The following CCDC57 variants were observed in gnomAD, a reference collection of about 807,000 sequenced individuals.
CCDC57 encodes coiled-coil domain containing 57.
A neutral mutation model predicts 118.9 loss-of-function variants in CCDC57; 118 were observed. That is an observed-to-expected ratio of 0.99 (90% CI 0.86 to 1.16). The LOEUF (loss-of-function observed/expected upper bound fraction) is 1.16. CCDC57 is among the 50% of genes most tolerant of loss of function. CCDC57 has a pLI of 0.00. For synonymous variants in CCDC57, 527 were observed against 532.9 expected (o/e 0.99, Z 0.15); for missense variants, 1,300 against 1,320.7 (o/e 0.98, Z 0.24).
chr17:82,206,390 CAG>C (rs957825563), intron 2 of CCDC57, among the ~76,000 whole-genome samples: 4 of 152,220 alleles, frequency 2.6e-5, no homozygotes, highest in South Asian at 2.1e-4. Context: ...CCTCAGGAAA[CAG>C]AATCCTTCCA....
At chr17:82,184,955 CA>C (rs1381627806) in intron 8 of CCDC57, 3 of 152,314 alleles carry the variant, frequency 2.0e-5, no homozygotes, top group African/African-American at 7.2e-5. Flanking sequence ...GAAACAGACT[CA>C]CCAACGGCCT....
At chr17:82,183,291 G>A (rs1317103849) in intron 9 of CCDC57, among the ~76,000 whole-genome samples, 1 of 152,262 alleles carries the variant, frequency 6.6e-6, no homozygotes, top group East Asian at 1.9e-4. Flanking sequence ...TCGCCCCAAC[G>A]GATAAGAAAC....
At chr17:82,104,073 A>T (rs915118488) in intron 19 of CCDC57, among the ~76,000 whole-genome samples, 1 of 152,218 alleles carries the variant, frequency 6.6e-6, no homozygotes, top group African/African-American at 2.4e-5. Flanking sequence ...CGGCTGCCCC[A>T]GGCGTGACTC....
At chr17:82,107,659 G>T (rs2034957363) in intron 19 of CCDC57, 2 of 463,880 alleles carry the variant, frequency 4.3e-6, no homozygotes, top group Non-Finnish European at 4.5e-6. Flanking sequence ...CTGGGTTGAA[G>T]AAACACCCCC....
rs35632547 is a variant in CCDC57 at position 82,139,328 on chromosome 17, C to A, written c.2456-5134G>T. Among the ~76,000 whole-genome samples the A allele has an allele frequency of 5.5e-3, 800 of 146,526 alleles. 5 individuals carry two copies. The highest frequency in any genetic ancestry group is 8.5e-3 in the Non-Finnish European group (568 of 66,932). Reference sequence around the variant, plus strand: ...GTGGTAAATTCACCATGGCCATGTGCAGTCTTTTGTCATCCACAGTTTTTT... The same window carrying A: ...GTGGTAAATTCACCATGGCCATGTGAAGTCTTTTGTCATCCACAGTTTTTT... On this transcript the variant is annotated intron_variant, in intron 16 of 19. Transcript: ENST00000665763.
At chr17:82,176,317 T>TGG (rs2045490746) in intron 11 of CCDC57, among the ~76,000 whole-genome samples, 1 of 86,608 alleles carries the variant, frequency 1.2e-5, no homozygotes, top group Non-Finnish European at 2.5e-5. Context: ...TAAAACCCCT[T>TGG]CTAGCCTCTG....
intron 16 of CCDC57, among the ~76,000 whole-genome samples, chr17:82,151,073 G>A (rs1385710582): frequency 1.6e-4 from 9 of 57,632 alleles, no homozygotes; most frequent in East Asian, 7.5e-4. Context: ...AGAACCAGGC[G>A]CACACTCAGA....
chr17:82,197,685 G>C (rs1430623884), intron 4 of CCDC57, among the ~76,000 whole-genome samples: 1 of 152,216 alleles, frequency 6.6e-6, no homozygotes, highest in Non-Finnish European at 1.5e-5. Context: ...ATTTCTGGGA[G>C]TGTCTGCAAG....
intron 1 of CCDC57, among the ~76,000 whole-genome samples, chr17:82,208,981 A>C (rs2049981757): frequency 6.6e-6 from 1 of 152,158 alleles, no homozygotes; most frequent in Non-Finnish European, 1.5e-5. Flanking sequence ...CTACAGCTCA[A>C]GCGATCTTCC....
chr17:82,101,911 G>A (rs745841220), intron 19 of CCDC57, 45 bp from the exon 19 acceptor site: 3 of 1,496,898 alleles, frequency 2.0e-6, no homozygotes, highest in South Asian at 1.3e-5. Context: ...GGATGGCAGG[G>A]GGAGCAGGAG....
chr17:82,153,743 AGCAGG>A (rs2042343382), intron 15 of CCDC57: 1 of 152,272 alleles, frequency 6.6e-6, no homozygotes, highest in Admixed American at 6.5e-5. Context: ...GCCCACCCCC[AGCAGG>A]GCAGCAGCAG....
At chr17:82,102,411 A>C (rs967321005) in intron 19 of CCDC57, among the ~76,000 whole-genome samples, 11 of 152,262 alleles carry the variant, frequency 7.2e-5, no homozygotes, top group African/African-American at 2.7e-4. Flanking sequence ...AGTGCGCTAC[A>C]CACAGAGGCT....
At chr17:82,201,788 G>A in exon 3 of CCDC57, 1 of 1,613,660 alleles carries the variant, frequency 6.2e-7, no homozygotes, top group Non-Finnish European at 8.5e-7. Context: ...TCCTCCTGCA[G>A]GCACCGCAGT....
At chr17:82,141,957 C>G (rs185303612) in intron 16 of CCDC57, among the ~76,000 whole-genome samples, 2 of 152,240 alleles carry the variant, frequency 1.3e-5, no homozygotes, top group South Asian at 2.1e-4. Flanking sequence ...GATAGGCATG[C>G]GGATTCTGCC....
chr17:82,163,088 A>C lies in CCDC57; in HGVS notation c.2040+112T>G, dbSNP rs926379357. Reference sequence around the variant, plus strand: ...AGAAAAAAACAGGCAGAGAGAGGTCAGTGGATGCCCGAGGTCACCTGGGGT... The same window carrying C: ...AGAAAAAAACAGGCAGAGAGAGGTCCGTGGATGCCCGAGGTCACCTGGGGT... On this transcript the variant is annotated intron_variant, in intron 14 of 19. Transcript: ENST00000665763. The C allele has an allele frequency of 1.6e-5, 21 of 1,311,228 alleles. No homozygotes were observed. In the African/African-American group the frequency reaches 1.9e-4, roughly 12 times the overall value. The allele number at this position is 1,311,228 out of a possible 1,614,324, so 81.2% of individuals were successfully genotyped here. A position where few individuals can be genotyped will look rare whatever the true frequency, so the allele number is the denominator to read the frequency against.
chr17:82,183,782 G>A (rs748198502), exon 9 of CCDC57: 18 of 1,559,612 alleles, frequency 1.2e-5, no homozygotes, highest in Middle Eastern at 3.3e-4. Flanking sequence ...ACCTTTCAAT[G>A]TCCTGCTGGG....
At position 82,118,896 on chromosome 17, in the gene CCDC57, C is replaced by CGTATT. The variant is rs2036271008; in HGVS notation, c.2899+8791_2899+8795dup. 6.6e-6 allele frequency among the ~76,000 whole-genome samples: 1 copy of CGTATT among 151,644 alleles called. No individual in the cohort carries two copies. The highest frequency in any genetic ancestry group is 2.4e-5 in the African/African-American group (1 of 41,232). ...TTGTAAATACTCCATTCTACTTCTG[C>CGTATT]GTATTTTCGTGGTTTGCCTTGGAGT... On this transcript the variant is annotated intron_variant, in intron 19 of 19. Coordinates refer to ENST00000665763, the Ensembl canonical transcript of CCDC57. This position sits in a 1 kb window ranked among gnomAD's most constrained non-coding sequence, Gnocchi z 4.7.
At chr17:82,141,451 G>A (rs2040001960) in intron 16 of CCDC57, among the ~76,000 whole-genome samples, 1 of 152,202 alleles carries the variant, frequency 6.6e-6, no homozygotes, top group Non-Finnish European at 1.5e-5. Context: ...CTCCCAAAGT[G>A]TTGGGATTAC....
chr17:82,174,765 G>T (rs2045256642), intron 11 of CCDC57, among the ~76,000 whole-genome samples: 1 of 152,202 alleles, frequency 6.6e-6, no homozygotes, highest in Non-Finnish European at 1.5e-5. Flanking sequence ...CTTTTAAATT[G>T]TTTATCGCTC....
Sources: gnomAD v4.1 joint callset for allele counts (sites outside exome capture counted in the v4.1 genomes callset) on GRCh38, gnomAD v4.1.1 for gene constraint, Gnocchi (gnomAD v3.1) non-coding constraint, MANE v1.5 for transcripts, NCBI Gene and HGNC (gene_info 2026-07-23, HGNC 2026-07-21) for gene names.